C1QTNF1: variants seen among roughly 807,000 people sequenced by gnomAD.
The protein encoded by C1QTNF1 is complement C1q tumor necrosis factor-related protein 1.
In C1QTNF1, 22 loss-of-function variants were observed where a neutral mutation model predicts 27.8. That is an observed-to-expected ratio of 0.79 (90% CI 0.56 to 1.13). The LOEUF (loss-of-function observed/expected upper bound fraction) is 1.13, where lower values mean the gene tolerates loss of function less well. C1QTNF1 is among the 50% of genes most tolerant of loss of function. The pLI is 0.00. For missense variants in C1QTNF1, 373 were observed against 380.2 expected, an observed-to-expected ratio of 0.98 and a Z score of 0.16; for synonymous variants, 166 against 154.3, an observed-to-expected ratio of 1.08 and a Z score of -0.56.
chr17:79,029,496 A>G (rs562836614), intron 1 of C1QTNF1, among the ~76,000 whole-genome samples: 193 of 152,282 alleles, frequency 1.3e-3, no homozygotes, highest in African/African-American at 4.5e-3. Flanking sequence ...GGTGTAGGGA[A>G]GGCACCATGG....
At chr17:79,026,355 T>A (rs1171739019) in intron 1 of C1QTNF1, among the ~76,000 whole-genome samples, 1 of 152,192 alleles carries the variant, frequency 6.6e-6, no homozygotes, top group Non-Finnish European at 1.5e-5. Context: ...GGTTTCACCC[T>A]GTTGGTCAGG....
intron 1 of C1QTNF1, among the ~76,000 whole-genome samples, chr17:79,033,930 G>A (rs933921358): frequency 1.3e-5 from 2 of 152,186 alleles, no homozygotes; most frequent in South Asian, 2.1e-4. Flanking sequence ...GAGGGTCGTG[G>A]GTGATCGTAG....
intron 1 of C1QTNF1, chr17:79,043,571 C>T (rs1568069284): frequency 9.2e-6 from 4 of 435,186 alleles, no homozygotes; most frequent in East Asian, 7.0e-5. Flanking sequence ...ATTGTGTGTA[C>T]ATGTGTGTGG....
chr17:79,035,121 C>T (rs892847461), intron 1 of C1QTNF1, among the ~76,000 whole-genome samples: 3 of 152,212 alleles, frequency 2.0e-5, no homozygotes, highest in African/African-American at 7.2e-5. Context: ...TGAATGGCTT[C>T]TGGCAGGGAG....
intron 2 of C1QTNF1, among the ~76,000 whole-genome samples, chr17:79,045,307 A>T (rs2072539194): frequency 6.6e-6 from 1 of 152,098 alleles, no homozygotes; most frequent in South Asian, 2.1e-4. Flanking sequence ...TGGAGGCTGG[A>T]GGACAGTAGG....
chr17:79,043,016 T>C (rs371540159), intron 1 of C1QTNF1, among the ~76,000 whole-genome samples: 23 of 151,972 alleles, frequency 1.5e-4, no homozygotes, highest in Non-Finnish European at 3.1e-4. Context: ...CGAATGTGCA[T>C]GTGTGTGGAT....
chr17:79,040,894 CA>C (rs549954929), intron 1 of C1QTNF1, among the ~76,000 whole-genome samples: 58 of 145,704 alleles, frequency 4.0e-4, no homozygotes, highest in African/African-American at 8.8e-4. Context: ...GAGATCCTGT[CA>C]AAAAAAAAAA....
intron 1 of C1QTNF1, among the ~76,000 whole-genome samples, chr17:79,036,829 G>A (rs993144201): frequency 6.6e-6 from 1 of 152,220 alleles, no homozygotes; most frequent in Non-Finnish European, 1.5e-5. Flanking sequence ...GGTCAGCTGA[G>A]AGGGCAGCTT....
intron 1 of C1QTNF1, chr17:79,026,042 T>C: frequency 4.7e-6 from 1 of 211,736 alleles, no homozygotes; most frequent in Non-Finnish European, 9.4e-6. Context: ...GAACTCTCAC[T>C]TGTGGAAAGA....
chr17:79,033,564 G>A (rs2072190962), intron 1 of C1QTNF1, among the ~76,000 whole-genome samples: 1 of 151,912 alleles, frequency 6.6e-6, no homozygotes, highest in South Asian at 2.1e-4. Flanking sequence ...TAATTAGCTG[G>A]ATGTGGTGGC....
At chr17:79,035,435 ATT>A (rs11326108) in intron 1 of C1QTNF1, among the ~76,000 whole-genome samples, 23,307 of 143,020 alleles carry the variant, frequency 0.16, 2,626 homozygotes, top group African/African-American at 0.32. Flanking sequence ...GCTGAATCGT[ATT>A]TTTTTTTTTT....
At chr17:79,030,497 C>CTT (rs1266040537) in intron 1 of C1QTNF1, among the ~76,000 whole-genome samples, 2 of 101,170 alleles carry the variant, frequency 2.0e-5, no homozygotes, top group Non-Finnish European at 2.1e-5. Context: ...TTCTTTCTTT[C>CTT]TTTCTTTCTT....
At chr17:79,044,281 ACGAGCGATT>A (rs1160508346) in intron 2 of C1QTNF1, among the ~76,000 whole-genome samples, 158 bp downstream of exon 2, 1 of 152,156 alleles carries the variant, frequency 6.6e-6, no homozygotes, top group African/African-American at 2.4e-5. Flanking sequence ...TGCAGGACAG[ACGAGCGATT>A]CCTCCTTTCA....
chr17:79,047,470 G>T, intron 3 of C1QTNF1, 68 bp from the exon 4 acceptor site: 1 of 1,440,224 alleles, frequency 6.9e-7, no homozygotes, highest in South Asian at 1.4e-5. Context: ...ACCGGAGAGT[G>T]AGCAGCCAAG....
upstream of C1QTNF1, among the ~76,000 whole-genome samples, chr17:79,023,700 G>GCACA (rs2071832301): frequency 1.2e-5 from 1 of 80,974 alleles, no homozygotes; most frequent in East Asian, 4.9e-4. Context: ...TGATGCGCGC[G>GCACA]CGCGCACACA....
intron 3 of C1QTNF1, chr17:79,047,253 T>TTTTTTTTTTTTTTTTTTTTA (rs1025186314): frequency 8.3e-6 from 3 of 363,554 alleles, no homozygotes; most frequent in African/African-American, 6.4e-5. Flanking sequence ...TTTTTTTTTT[T>TTTTTTTTTTTTTTTTTTTTA]ACCAGGGCTT....
At position 79,046,785 on chromosome 17, in the gene C1QTNF1, G is replaced by A. The variant is rs145339677; in HGVS notation, c.295+91G>A. ...TGGAGTCGTTAGGGTGGGGCTAGGC[G>A]AGAGCAGAATGGCTCCCTCGGGACA... On this transcript the variant is annotated intron_variant, in intron 3 of 3. Coordinates refer to ENST00000579760, the MANE Select transcript of C1QTNF1 (RefSeq NM_030968.5). The surrounding 1 kb of genome is among the most constrained non-coding windows in gnomAD (Gnocchi z 4.8). The A allele has an allele frequency of 3.7e-5, 56 of 1,529,798 alleles. No individual in the cohort carries two copies. In the East Asian group the frequency reaches 4.3e-4, roughly 12 times the overall value. The allele number at this position is 1,529,798 out of a possible 1,614,324, so 94.8% of individuals were successfully genotyped here. A position where few individuals can be genotyped will look rare whatever the true frequency, so the allele number is the denominator to read the frequency against.
At chr17:79,044,792 T>C (rs527842648) in intron 2 of C1QTNF1, among the ~76,000 whole-genome samples, 1 of 152,318 alleles carries the variant, frequency 6.6e-6, no homozygotes, top group East Asian at 1.9e-4. Flanking sequence ...CAAGCCTGGC[T>C]TGGAGTCTCT....
At chr17:79,033,972 G>A (rs971994558) in intron 1 of C1QTNF1, among the ~76,000 whole-genome samples, 3 of 152,144 alleles carry the variant, frequency 2.0e-5, no homozygotes, top group African/African-American at 7.2e-5. Flanking sequence ...AGCAGGAGGA[G>A]GGCCAGTGGG....
Sources: allele counts gnomAD v4.1 joint callset (sites outside exome capture counted in the v4.1 genomes callset), GRCh38; gene constraint gnomAD v4.1.1; non-coding constraint Gnocchi (gnomAD v3.1); transcripts MANE v1.5; gene names NCBI Gene and HGNC (gene_info 2026-07-23, HGNC 2026-07-21).